Variants in CRACD observed in about 807,000 individuals in gnomAD.
The protein encoded by CRACD is capping protein-inhibiting regulator of actin dynamics.
A neutral mutation model predicts 106.8 loss-of-function variants in CRACD; 56 were observed. That is an observed-to-expected ratio of 0.52 (90% CI 0.42 to 0.66). The LOEUF (loss-of-function observed/expected upper bound fraction) is 0.66. CRACD is among the 30% of genes least tolerant of loss of function. The pLI is 0.00. For missense variants in CRACD, 1,730 were observed against 1,623.2 expected (o/e 1.07, Z -1.13); for synonymous variants, 754 against 670.8 (o/e 1.12, Z -1.92).
intron 1 of CRACD, among the ~76,000 whole-genome samples, chr4:56,164,924 T>A (rs1736086769): frequency 1.3e-5 from 2 of 152,190 alleles, no homozygotes; most frequent in African/African-American, 4.8e-5. Context: ...GTCCTCCATT[T>A]GTTTCCTTTC....
chr4:56,152,648 A>C (rs1041408101), intron 1 of CRACD, among the ~76,000 whole-genome samples: 24 of 152,026 alleles, frequency 1.6e-4, no homozygotes, highest in African/African-American at 5.8e-4. Flanking sequence ...GCAGTGAGCT[A>C]TGATTACACC....
At chr4:56,204,212 T>A (rs1480263158) in intron 2 of CRACD, among the ~76,000 whole-genome samples, 1 of 152,168 alleles carries the variant, frequency 6.6e-6, no homozygotes, top group Non-Finnish European at 1.5e-5. Flanking sequence ...TGCCATGGAG[T>A]GGCCAGATTG....
intron 3 of CRACD, among the ~76,000 whole-genome samples, chr4:56,279,120 G>T (rs1478053859): frequency 1.3e-5 from 2 of 152,134 alleles, no homozygotes; most frequent in East Asian, 3.8e-4. Context: ...GGGGAAACAG[G>T]CTCAAAGAGG....
chr4:56,117,017 A>AT (rs751420774), intron 1 of CRACD, among the ~76,000 whole-genome samples: 4,138 of 96,214 alleles, frequency 0.043, 290 homozygotes, highest in African/African-American at 0.13. Context: ...CGAATTTTTA[A>AT]TTTTTTTTTT....
intron 2 of CRACD, among the ~76,000 whole-genome samples, chr4:56,182,244 C>A (rs1434162789): frequency 6.6e-6 from 1 of 151,968 alleles, no homozygotes; most frequent in African/African-American, 2.4e-5. Context: ...TAGCTGTGTG[C>A]CTGTGATCCC....
At chr4:56,125,939 T>C (rs1034445556) in intron 1 of CRACD, among the ~76,000 whole-genome samples, 10 of 151,830 alleles carry the variant, frequency 6.6e-5, no homozygotes, top group African/African-American at 2.4e-4. Flanking sequence ...ACCTGGCTGA[T>C]TTTTGTATTT....
chr4:56,156,749 G>A (rs561061194), intron 1 of CRACD, among the ~76,000 whole-genome samples: 3 of 152,238 alleles, frequency 2.0e-5, no homozygotes, highest in African/African-American at 2.4e-5. Flanking sequence ...CTTAATAGTC[G>A]TATTACTTTG....
chr4:56,244,850 C>T (rs1740593725), intron 2 of CRACD, among the ~76,000 whole-genome samples: 1 of 152,238 alleles, frequency 6.6e-6, no homozygotes, highest in Admixed American at 6.5e-5. Context: ...CCCACATAGC[C>T]ATGTGCTTAG....
intron 4 of CRACD, among the ~76,000 whole-genome samples, 160 bp from the exon 5 acceptor site, chr4:56,307,375 T>C (rs1447766558): frequency 1.3e-5 from 2 of 152,142 alleles, no homozygotes; most frequent in African/African-American, 2.4e-5. Flanking sequence ...AATTAACTTA[T>C]TACAGGATGG....
intron 2 of CRACD, among the ~76,000 whole-genome samples, chr4:56,182,927 C>A (rs1275383508): frequency 1.4e-5 from 2 of 146,412 alleles, no homozygotes; most frequent in Non-Finnish European, 3.0e-5. Context: ...CCGTTGGTTT[C>A]TTGCAATAGA....
At chr4:56,238,222 A>G (rs1389428918) in intron 2 of CRACD, among the ~76,000 whole-genome samples, 3 of 152,204 alleles carry the variant, frequency 2.0e-5, no homozygotes, top group African/African-American at 7.2e-5. Context: ...GCAGGCTGGA[A>G]TCTTCTGAAG....
intron 1 of CRACD, among the ~76,000 whole-genome samples, chr4:56,156,344 C>T (rs1467832226): frequency 2.0e-5 from 3 of 152,200 alleles, no homozygotes; most frequent in Admixed American, 6.5e-5. Flanking sequence ...TTGCTGGGCG[C>T]CTCCAGCTGA....
intron 2 of CRACD, among the ~76,000 whole-genome samples, chr4:56,180,085 C>T (rs146351224): frequency 6.6e-6 from 1 of 152,078 alleles, no homozygotes; most frequent in Non-Finnish European, 1.5e-5. Flanking sequence ...AAACAGTGGC[C>T]TTGTGTCTCA....
At chr4:56,197,567 T>C (rs1274095666) in intron 2 of CRACD, among the ~76,000 whole-genome samples, 3 of 152,174 alleles carry the variant, frequency 2.0e-5, no homozygotes, top group Non-Finnish European at 4.4e-5. Context: ...TTACAGTGTG[T>C]TTGTGAAAGC....
intron 2 of CRACD, among the ~76,000 whole-genome samples, chr4:56,265,503 T>C (rs2109627854): frequency 6.6e-6 from 1 of 152,002 alleles, no homozygotes; most frequent in Admixed American, 6.6e-5. Flanking sequence ...GAAGGCTGTT[T>C]CCCAAAGTGT....
At chr4:56,196,025 A>G (rs920028759) in intron 2 of CRACD, among the ~76,000 whole-genome samples, 1 of 151,862 alleles carries the variant, frequency 6.6e-6, no homozygotes, top group African/African-American at 2.4e-5. Context: ...AAATAACCCT[A>G]CCTTTCCTTT....
chr4:56,144,421 G>T (rs1166489396), intron 1 of CRACD, among the ~76,000 whole-genome samples: 1 of 152,172 alleles, frequency 6.6e-6, no homozygotes, highest in Admixed American at 6.5e-5. Flanking sequence ...CTAGTTTGTG[G>T]AAATCCTTGC....
chr4:56,308,889 G>A (rs1156264375), intron 5 of CRACD: 1 of 1,288,808 alleles, frequency 7.8e-7, no homozygotes, highest in Non-Finnish European at 1.0e-6. Flanking sequence ...CATAAGTGCT[G>A]GGCACTGTGG....
chr4:56,243,882 AT>A (rs55991783), intron 2 of CRACD, among the ~76,000 whole-genome samples: 47,198 of 151,812 alleles, frequency 0.31, 7,833 homozygotes, highest in South Asian at 0.37. Flanking sequence ...CCTTCTAACT[AT>A]TTTTTTGTAC....
Sources: allele counts gnomAD v4.1 joint callset (sites outside exome capture counted in the v4.1 genomes callset), GRCh38; gene constraint gnomAD v4.1.1; transcripts MANE v1.5; gene names NCBI Gene and HGNC (gene_info 2026-07-23, HGNC 2026-07-21).